EFCAB6: variants seen among roughly 807,000 people sequenced by gnomAD.
The protein encoded by EFCAB6 is EF-hand calcium-binding domain-containing protein 6.
A neutral mutation model predicts 169.8 loss-of-function variants in EFCAB6; 156 were observed. That is an observed-to-expected ratio of 0.92 (90% CI 0.81 to 1.05). The LOEUF (loss-of-function observed/expected upper bound fraction) is 1.05. Ranked by LOEUF, EFCAB6 falls within the 50% of genes least tolerant of loss-of-function variation. The pLI is 0.00. For synonymous variants in EFCAB6, 698 were observed against 676.4 expected (o/e 1.03, Z -0.50); for missense variants, 1,800 against 1,829.1 (o/e 0.98, Z 0.29).
intron 10 of EFCAB6, among the ~76,000 whole-genome samples, chr22:43,698,972 T>C (rs1333610790): frequency 6.6e-6 from 1 of 152,224 alleles, no homozygotes; most frequent in Non-Finnish European, 1.5e-5. Flanking sequence ...AGATTCTGGG[T>C]AGAGGCATAA....
At chr22:43,559,787 TCA>T (rs566751445) in intron 26 of EFCAB6, among the ~76,000 whole-genome samples, 49 of 152,122 alleles carry the variant, frequency 3.2e-4, no homozygotes, top group African/African-American at 1.2e-3. Flanking sequence ...CCACATGTTC[TCA>T]CTCATAAGTG....
rs1014328708 is a variant in EFCAB6 at position 43,673,159 on chromosome 22, C to G, written c.1420-854G>C. Among the ~76,000 whole-genome samples, 5 of 152,170 alleles carry G rather than the reference C, an allele frequency of 3.3e-5. No homozygotes were observed. The South Asian group carries it at 1.0e-3, about 31-fold the overall frequency. The stretch of plus-strand genomic sequence containing the variant: ...ACAATTTGATAATTTACAGACTCTA[C>G]AGCAAGGAAGGCTGCCGCTGGGGAA... On this transcript the variant is annotated intron_variant, in intron 13 of 31. Transcript: ENST00000262726.
intron 23 of EFCAB6, among the ~76,000 whole-genome samples, chr22:43,598,411 G>A (rs1275351224): frequency 6.6e-6 from 1 of 151,660 alleles, no homozygotes; most frequent in Non-Finnish European, 1.5e-5. Context: ...GCTGGGAAGG[G>A]AAGGGTCGGG....
At chr22:43,558,250 T>G (rs1487992951) in intron 26 of EFCAB6, among the ~76,000 whole-genome samples, 2 of 152,208 alleles carry the variant, frequency 1.3e-5, no homozygotes. Flanking sequence ...GTGGCTGGAT[T>G]CAAGCTAAAA....
intron 24 of EFCAB6, among the ~76,000 whole-genome samples, chr22:43,586,745 C>A (rs2051100175): frequency 6.6e-6 from 1 of 152,036 alleles, no homozygotes; most frequent in Non-Finnish European, 1.5e-5. Context: ...AGGTGGGGTG[C>A]AAAAGTCCAG....
chr22:43,591,919 A>T (rs1338319709), intron 23 of EFCAB6, among the ~76,000 whole-genome samples: 1 of 152,172 alleles, frequency 6.6e-6, no homozygotes, highest in Non-Finnish European at 1.5e-5. Context: ...ATTTCAACTT[A>T]CCCAGGTCCC....
intron 6 of EFCAB6, among the ~76,000 whole-genome samples, chr22:43,755,301 G>A (rs1225554210): frequency 6.6e-6 from 1 of 152,156 alleles, no homozygotes. Context: ...GATGCTATAT[G>A]CTCTTTTTCT....
chr22:43,799,930 G>A (rs2062643992), intron 2 of EFCAB6, among the ~76,000 whole-genome samples: 1 of 152,114 alleles, frequency 6.6e-6, no homozygotes, highest in South Asian at 2.1e-4. Flanking sequence ...GATTGAGGTG[G>A]ACAACCAGCT....
intron 1 of EFCAB6, among the ~76,000 whole-genome samples, chr22:43,810,447 T>G (rs1472444048): frequency 6.6e-6 from 1 of 152,198 alleles, no homozygotes; most frequent in Non-Finnish European, 1.5e-5. Context: ...GGTATCATAT[T>G]CATGTTATCT....
chr22:43,715,330 C>A (rs2059295663), intron 9 of EFCAB6, among the ~76,000 whole-genome samples: 1 of 152,164 alleles, frequency 6.6e-6, no homozygotes, highest in Non-Finnish European at 1.5e-5. Flanking sequence ...TAGCTGGACT[C>A]ATTTAACCTA....
intron 11 of EFCAB6, among the ~76,000 whole-genome samples, chr22:43,684,171 A>T: frequency 6.6e-6 from 1 of 152,082 alleles, no homozygotes; most frequent in East Asian, 1.9e-4. Context: ...CAGTGCTGAG[A>T]CCTCAGTGGC....
At chr22:43,648,729 A>G (rs118009565) in intron 17 of EFCAB6, among the ~76,000 whole-genome samples, 1 of 152,216 alleles carries the variant, frequency 6.6e-6, no homozygotes, top group Non-Finnish European at 1.5e-5. Context: ...ATTGTAAATA[A>G]TAATAATAAC....
intron 24 of EFCAB6, 38 bp downstream of exon 24, chr22:43,590,036 G>A (rs760058619): frequency 6.3e-7 from 1 of 1,592,482 alleles, no homozygotes; most frequent in Non-Finnish European, 8.5e-7. Flanking sequence ...ATGTTTTTCA[G>A]GGCCATGAGA....
chr22:43,710,824 C>T (rs925420352), intron 10 of EFCAB6, among the ~76,000 whole-genome samples: 17 of 152,180 alleles, frequency 1.1e-4, no homozygotes, highest in African/African-American at 3.6e-4. Flanking sequence ...TGTACATCTA[C>T]ATCTAACTAT....
At chr22:43,786,133 T>A (rs781452465) in intron 2 of EFCAB6, among the ~76,000 whole-genome samples, 16 of 145,264 alleles carry the variant, frequency 1.1e-4, no homozygotes, top group African/African-American at 2.0e-4. Context: ...GAGGCCAAGG[T>A]GTGTGGATCA....
At chr22:43,690,224 G>A (rs1476286078) in intron 10 of EFCAB6, among the ~76,000 whole-genome samples, 1 of 152,042 alleles carries the variant, frequency 6.6e-6, no homozygotes, top group African/African-American at 2.4e-5. Flanking sequence ...TCCGGGCTGG[G>A]CGCGGTGGCT....
chr22:43,597,668 A>G (rs1434554566), intron 23 of EFCAB6, among the ~76,000 whole-genome samples: 1 of 152,236 alleles, frequency 6.6e-6, no homozygotes. Context: ...TGTGAAACAC[A>G]GTACGGCAAT....
intron 1 of EFCAB6, among the ~76,000 whole-genome samples, 163 bp from the exon 2 acceptor site, chr22:43,809,294 T>G (rs1028644601): frequency 6.6e-6 from 1 of 152,210 alleles, no homozygotes; most frequent in Admixed American, 6.5e-5. Context: ...CCAGCCCAAC[T>G]TTATTAACCG....
At chr22:43,632,623 C>T (rs1304644540) in intron 18 of EFCAB6, among the ~76,000 whole-genome samples, 2 of 152,096 alleles carry the variant, frequency 1.3e-5, no homozygotes, top group African/African-American at 4.8e-5. Flanking sequence ...TCTACATCAA[C>T]ACTTTATCTC....
Sources: allele counts gnomAD v4.1 joint callset (sites outside exome capture counted in the v4.1 genomes callset), GRCh38; gene constraint gnomAD v4.1.1; transcripts MANE v1.5; gene names NCBI Gene and HGNC (gene_info 2026-07-23, HGNC 2026-07-21).